The following ZNF74 variants were observed in gnomAD, a reference collection of about 807,000 sequenced individuals.
The protein encoded by ZNF74 is zinc finger protein 520.
ZNF74 carries 12 observed loss-of-function variants against 17.7 expected under a neutral mutation model. The observed-to-expected ratio is 0.68, with a 90% CI of 0.43 to 1.10. The LOEUF (loss-of-function observed/expected upper bound fraction) is 1.10. Ranked by LOEUF, ZNF74 falls within the 50% of genes least tolerant of loss-of-function variation. ZNF74 has a pLI of 0.00. For missense variants in ZNF74, 811 were observed against 881.0 expected, an observed-to-expected ratio of 0.92 and a Z score of 1.01; for synonymous variants, 358 against 362.1, an observed-to-expected ratio of 0.99 and a Z score of 0.13.
At chr22:20,402,284 T>C (rs528410039) in intron 4 of ZNF74, among the ~76,000 whole-genome samples, 1 of 152,196 alleles carries the variant, frequency 6.6e-6, no homozygotes, top group Non-Finnish European at 1.5e-5. Flanking sequence ...TTCTGGTCTT[T>C]ATTTCTCACC....
At chr22:20,395,228 C>G in intron 1 of ZNF74, 105 bp from the exon 2 acceptor site, 2 of 787,080 alleles carry the variant, frequency 2.5e-6, no homozygotes, top group South Asian at 3.6e-5. Flanking sequence ...GCCTTGCTGG[C>G]AGGTTCTGCC....
chr22:20,402,296 C>T (rs919147932), intron 4 of ZNF74, among the ~76,000 whole-genome samples: 1 of 152,192 alleles, frequency 6.6e-6, no homozygotes, highest in African/African-American at 2.4e-5. Context: ...TTTCTCACCC[C>T]AGCCTCTGAT....
chr22:20,397,194 G>A (rs971172386), intron 2 of ZNF74, among the ~76,000 whole-genome samples: 1 of 151,104 alleles, frequency 6.6e-6, no homozygotes, highest in Admixed American at 6.6e-5. Context: ...CCCCCACCTC[G>A]GCCTCCTAAG....
chr22:20,395,627 A>G (rs959131893), intron 2 of ZNF74, among the ~76,000 whole-genome samples: 1 of 152,170 alleles, frequency 6.6e-6, no homozygotes, highest in African/African-American at 2.4e-5. Flanking sequence ...TGTCTCGCCC[A>G]GTCCAATTCA....
chr22:20,407,890 C>G lies in ZNF74; in HGVS notation c.*922C>G, dbSNP rs1335535942. ...TAGCCAGATCCTAACATGCCAACAT[C>G]ACCTCTTGCCATTTAGCCCCTAGTG... On this transcript the variant is annotated 3_prime_UTR_variant, in exon 5 of 5. Transcript: ENST00000400451. 2 of 152,214 alleles carry G rather than the reference C, an allele frequency of 1.3e-5. No individual in the cohort carries two copies. The highest frequency in any genetic ancestry group is 2.9e-5 in the Non-Finnish European group (2 of 68,042). The allele number at this position is 152,214 out of a possible 1,614,324, so 9.4% of individuals were successfully genotyped here.
At position 20,406,014 on chromosome 22, in the gene ZNF74, G is replaced by T; in HGVS notation, c.981G>T (p.Thr327=). The T allele has an allele frequency of 6.3e-7, 1 of 1,598,458 alleles. No homozygotes were observed. The highest frequency in any genetic ancestry group is 1.1e-5 in the South Asian group (1 of 89,000). Residue 327 remains threonine (T), a synonymous_variant, in exon 5 of 5, where the codon ACG becomes ACT. Coordinates refer to ENST00000400451, the MANE Select transcript of ZNF74 (RefSeq NM_003426.4). ...SSLNVHQRIH[T]GERPYKCSAC... ...TCAACGTGCACCAGCGCATCCACAC[G>T]GGCGAGCGGCCCTACAAGTGCAGCG... is the stretch of plus-strand genomic sequence containing the variant.
Position 20,406,887 on chromosome 22 carries a change from G to A in ZNF74, c.1854G>A (p.Ala618=), listed in dbSNP as rs373258477. The change falls in exon 5 of 5, where the codon GCG becomes GCA. Residue 618 remains alanine, a synonymous_variant. Transcript: ENST00000400451. ...AGLRDVDPID[A]LDVAKLLCVV... ...TGAGGGACGTGGATCCCATCGACGC[G>A]CTGGATGTGGCAAAGCTCTTGTGCG... 3.7e-6 allele frequency: 6 copies of A among 1,613,906 alleles called. No individual in the cohort carries two copies. In the African/African-American group the frequency reaches 6.7e-5, roughly 18 times the overall value.
In ZNF74 at chr22:20,405,656, A is replaced by G. The variant is rs1306018809; in HGVS notation, c.623A>G (p.Glu208Gly). ...ACACGCAAGAACGTCCAGGCCACTG[A>G]GGGCAGAACCAAGGCCCCCGCGAGA... ...LDTRKNVQATEGRTKAPARLC... is the reference protein window; with the variant it reads ...LDTRKNVQATGGRTKAPARLC... Residue 208 changes from glutamate to glycine, a missense_variant, in exon 5 of 5, where the codon GAG (glutamate) becomes GGG (glycine). Around this residue, in one of 3 missense-constraint regions of ZNF74, gnomAD observed 666 missense variants for 702.3 expected, o/e 0.95. Coordinates refer to ENST00000400451, the MANE Select transcript of ZNF74 (RefSeq NM_003426.4). 4 of 1,612,600 alleles carry G rather than the reference A, an allele frequency of 2.5e-6. No individual in the cohort carries two copies. The highest frequency in any genetic ancestry group is 1.7e-6 in the Non-Finnish European group (2 of 1,179,386).
Position 20,406,640 on chromosome 22 carries a change from C to T in ZNF74, c.1607C>T (p.Ala536Val), listed in dbSNP as rs759928791. 2.5e-6 allele frequency: 4 copies of T among 1,614,152 alleles called. No individual in the cohort carries two copies. In the African/African-American group the frequency reaches 4.0e-5, roughly 16 times the overall value. Residue 536 changes from alanine (A) to valine (V), a missense_variant, in exon 5 of 5, where the codon GCC (alanine) becomes GTC (valine). By Grantham distance (64) the Ala-to-Val change is moderately conservative. Transcript: ENST00000400451. ...KPYKCSECGR[A>V]FSQNHCLIKH... ...TACAAGTGCAGCGAGTGCGGCAGAGCCTTCAGCCAGAACCACTGTCTCATT... is the reference window on the plus strand; with the variant it reads ...TACAAGTGCAGCGAGTGCGGCAGAGTCTTCAGCCAGAACCACTGTCTCATT...
In ZNF74 at chr22:20,401,456, G is replaced by A; in HGVS notation, c.343+84G>A. On this transcript the variant is annotated intron_variant, in intron 4 of 4. Coordinates refer to ENST00000400451, the MANE Select transcript of ZNF74 (RefSeq NM_003426.4). This position sits in a 1 kb window ranked among gnomAD's most constrained non-coding sequence, Gnocchi z 4.2. ...CTATGGCCCCTATTTTCCTCCCTCA[G>A]TTTGCCCCGGCTCCATCTCCCCTTT... The A allele has an allele frequency of 1.1e-6, 1 of 900,762 alleles. No homozygotes were observed. Among genetic ancestry groups the A allele is most frequent in the Non-Finnish European group, 1.7e-6 (1 of 573,146 alleles). The allele number at this position is 900,762 out of a possible 1,614,324, so 55.8% of individuals were successfully genotyped here.
At position 20,405,825 on chromosome 22, in the gene ZNF74, G is replaced by T. The variant is rs2052413804; in HGVS notation, c.792G>T (p.Thr264=). The T allele has an allele frequency of 6.2e-7, 1 of 1,612,520 alleles. No individual in the cohort carries two copies. The highest frequency in any genetic ancestry group is 1.7e-5 in the Admixed American group (1 of 59,954). Residue 264 remains threonine, a synonymous_variant, in exon 5 of 5, where the codon ACG becomes ACT. Coordinates refer to ENST00000400451, the MANE Select transcript of ZNF74 (RefSeq NM_003426.4). ...CGTTCCGCCAGAGCTCCTCCCTCAC[G>T]CTGCACCGGCGCTGGCACAGCCGGG... ...GKAFRQSSSL[T]LHRRWHSREK...
intron 4 of ZNF74, among the ~76,000 whole-genome samples, chr22:20,403,700 T>C (rs1422883557): frequency 6.6e-6 from 1 of 152,106 alleles, no homozygotes; most frequent in African/African-American, 2.4e-5. Flanking sequence ...GCCCAGGAGT[T>C]GGAGGCTGCA....
At position 20,408,257 on chromosome 22, in the gene ZNF74, A is replaced by T. The variant is rs2052454868; in HGVS notation, c.*1289A>T. 1.3e-5 allele frequency: 2 copies of T among 152,216 alleles called. No homozygotes were observed. The highest frequency in any genetic ancestry group is 1.3e-4 in the Admixed American group (2 of 15,284). The allele number at this position is 152,216 out of a possible 1,614,324, so 9.4% of individuals were successfully genotyped here. A position where few individuals can be genotyped will look rare whatever the true frequency, so the allele number is the denominator to read the frequency against. The stretch of plus-strand genomic sequence containing the variant: ...AGGAAGACAGAGTTAATCTTGAATG[A>T]ATGTTATTTCTACTTAGTCCTAAGC... On this transcript the variant is annotated 3_prime_UTR_variant, in exon 5 of 5. Coordinates refer to ENST00000400451, the MANE Select transcript of ZNF74 (RefSeq NM_003426.4).
chr22:20,406,852 G>A lies in ZNF74; in HGVS notation c.1819G>A (p.Asp607Asn). 6.2e-7 allele frequency: 1 copy of A among 1,614,116 alleles called. No individual in the cohort carries two copies. The highest frequency in any genetic ancestry group is 8.5e-7 in the Non-Finnish European group (1 of 1,180,034). ...GCCTGGCAGCCTGCTGGGTGCAGGGGATGCTGGACTGAGGGACGTGGATCC... is the reference window on the plus strand; with the variant it reads ...GCCTGGCAGCCTGCTGGGTGCAGGGAATGCTGGACTGAGGGACGTGGATCC... The part of the protein sequence containing the change: ...YVPGSLLGAG[D>N]AGLRDVDPID... The change falls in exon 5 of 5, where the codon GAT (aspartate) becomes AAT (asparagine). Residue 607 changes from aspartate to asparagine, a missense_variant. By Grantham distance (23) the Asp-to-Asn change is conservative. Transcript: ENST00000400451.
At chr22:20,402,707 A>G (rs533406325) in intron 4 of ZNF74, among the ~76,000 whole-genome samples, 10 of 151,582 alleles carry the variant, frequency 6.6e-5, no homozygotes, top group African/African-American at 2.2e-4. Context: ...AGGCTGAGGC[A>G]GGAGAATCGC....
At position 20,406,512 on chromosome 22, in the gene ZNF74, C is replaced by G. The variant is rs1028882318; in HGVS notation, c.1479C>G (p.Ile493Met). ...CCTACCTCATCGTGCACCGGCGCAT[C>G]CACACAGGCGAGAAGCCCTTCGACT... ...SHAYLIVHRR[I>M]HTGEKPFDCS... Residue 493 changes from isoleucine to methionine, a missense_variant, in exon 5 of 5, where the codon ATC becomes ATG. Physicochemically the swap from Ile to Met is conservative, Grantham distance 10. This residue lies in a region of ZNF74 where 666 missense variants were observed against 702.3 expected (regional missense o/e 0.95). Coordinates refer to ENST00000400451, the MANE Select transcript of ZNF74 (RefSeq NM_003426.4). 1.2e-6 allele frequency: 2 copies of G among 1,613,864 alleles called. No individual in the cohort carries two copies. The highest frequency in any genetic ancestry group is 1.7e-5 in the Admixed American group (1 of 59,990).
Position 20,397,560 on chromosome 22 carries a change from T to C in ZNF74, c.120+2142T>C, listed in dbSNP as rs993722266. On this transcript the variant is annotated intron_variant, in intron 2 of 4. Transcript: ENST00000400451. ...CATTCAGTGGTCTCCCCTCTCCCCT[T>C]GGTAACCACTATAGTTTTGCTGTAG... is the stretch of plus-strand genomic sequence containing the variant. 3.3e-5 allele frequency among the ~76,000 whole-genome samples: 5 copies of C among 152,222 alleles called. No homozygotes were observed. In the South Asian group the frequency reaches 1.0e-3, roughly 31 times the overall value.
At chr22:20,396,293 C>T (rs550362149) in intron 2 of ZNF74, among the ~76,000 whole-genome samples, 25 of 151,860 alleles carry the variant, frequency 1.6e-4, no homozygotes, top group African/African-American at 6.0e-4. Flanking sequence ...TGTAGTGTGT[C>T]ACAATGCTTT....
In ZNF74 at chr22:20,407,755, A is replaced by G. The variant is rs2052448743; in HGVS notation, c.*787A>G. 1 of 152,194 alleles carries G rather than the reference A, an allele frequency of 6.6e-6. No homozygotes were observed. Among genetic ancestry groups the G allele is most frequent in the South Asian group, 2.1e-4 (1 of 4,830 alleles). The allele number at this position is 152,194 out of a possible 1,614,324, so 9.4% of individuals were successfully genotyped here. ...GGGTGGTGGGCATTTGGAAAAAGTG[A>G]ATTTCCTGGACTTAACTCATGTAAA... On this transcript the variant is annotated 3_prime_UTR_variant, in exon 5 of 5. Transcript: ENST00000400451.
Sources: allele counts gnomAD v4.1 joint callset (sites outside exome capture counted in the v4.1 genomes callset), GRCh38; gene constraint gnomAD v4.1.1; regional missense constraint gnomAD v4.1.1; non-coding constraint Gnocchi (gnomAD v3.1); transcripts MANE v1.5; gene names NCBI Gene and HGNC (gene_info 2026-07-23, HGNC 2026-07-21).